FAM167A: variants seen among roughly 807,000 people sequenced by gnomAD.
FAM167A encodes the protein family with sequence similarity 167 member A.
In FAM167A, 23 loss-of-function variants were observed where a neutral mutation model predicts 14.9. The observed-to-expected ratio is 1.55, with a 90% CI of 1.11 to 2.19. The LOEUF is 2.19. FAM167A is among the 30% of genes most tolerant of loss of function. FAM167A has a pLI of 0.00. For synonymous variants in FAM167A, 174 were observed against 117.7 expected, an observed-to-expected ratio of 1.48 and a Z score of -3.10; for missense variants, 401 against 281.5, an observed-to-expected ratio of 1.42 and a Z score of -3.04.
chr8:11,444,952 G>A (rs1806696116), intron 1 of FAM167A, 144 bp from the exon 2 acceptor site: 5 of 739,344 alleles, frequency 6.8e-6, no homozygotes, highest in Admixed American at 6.4e-5. Flanking sequence ...ACGGAAGTGA[G>A]ATCATTTTAA....
At chr8:11,473,057 A>T (rs776700708) in intron 1 of FAM167A, among the ~76,000 whole-genome samples, 2 of 152,244 alleles carry the variant, frequency 1.3e-5, no homozygotes, top group Non-Finnish European at 2.9e-5. Context: ...GCTTGAACTC[A>T]GGGTGAGGTG....
intron 2 of FAM167A, among the ~76,000 whole-genome samples, chr8:11,431,552 A>AC (rs1805592301): frequency 6.6e-6 from 1 of 152,258 alleles, no homozygotes; most frequent in Non-Finnish European, 1.5e-5. Context: ...ACTGACATTT[A>AC]AACAACAACA....
rs1563375490 is a variant in FAM167A at position 11,444,067 on chromosome 8, G to A, written c.345C>T (p.Ser115=). 4 of 1,613,500 alleles carry A rather than the reference G, an allele frequency of 2.5e-6. No homozygotes were observed. Among genetic ancestry groups the A allele is most frequent in the African/African-American group, 2.7e-5 (2 of 75,070 alleles). Reference sequence around the variant, plus strand: ...TGAGCCAGGCTATAGCTTCATCGATGCTCTGAAAGCCTTCCAGCTTGCCAG... The same window carrying A: ...TGAGCCAGGCTATAGCTTCATCGATACTCTGAAAGCCTTCCAGCTTGCCAG... ...LSTGKLEGFQ[S]IDEAIAWLRK... Residue 115 remains serine (S), a synonymous_variant, in exon 2 of 3, where the codon AGC becomes AGT. Coordinates refer to ENST00000284486, the MANE Select transcript of FAM167A (RefSeq NM_053279.3).
At chr8:11,451,440 G>A (rs1273007886) in intron 1 of FAM167A, among the ~76,000 whole-genome samples, 2 of 152,270 alleles carry the variant, frequency 1.3e-5, no homozygotes, top group Non-Finnish European at 2.9e-5. Flanking sequence ...AGCACGCACT[G>A]GAGAAGGAAT....
At position 11,424,328 on chromosome 8, in the gene FAM167A, G is replaced by A. The variant is rs200511231; in HGVS notation, c.*45C>T. The A allele has an allele frequency of 3.7e-5, 60 of 1,606,808 alleles. No homozygotes were observed. The African/African-American group carries it at 7.3e-4, about 20-fold the overall frequency. On this transcript the variant is annotated 3_prime_UTR_variant, in exon 3 of 3. Coordinates refer to ENST00000284486, the MANE Select transcript of FAM167A (RefSeq NM_053279.3). ...CTCAGCTTCCTCTGACACCCCTCCAGCCCAAGCCCTCCGCTCCAGCCCCTC... is the reference window on the plus strand; with the variant it reads ...CTCAGCTTCCTCTGACACCCCTCCAACCCAAGCCCTCCGCTCCAGCCCCTC...
At chr8:11,470,039 T>A (rs1308770675), upstream of FAM167A, among the ~76,000 whole-genome samples, 1 of 152,236 alleles carries the variant, frequency 6.6e-6, no homozygotes, top group Non-Finnish European at 1.5e-5. Context: ...TCTTGGGAAA[T>A]GTTAGTGAAC....
chr8:11,471,572 C>T (rs551029811), upstream of FAM167A, among the ~76,000 whole-genome samples: 5 of 152,246 alleles, frequency 3.3e-5, no homozygotes, highest in East Asian at 5.8e-4. Context: ...GTACCATGGG[C>T]GGTCACTTAA....
chr8:11,471,583 G>C (rs1807961617), upstream of FAM167A, among the ~76,000 whole-genome samples: 2 of 152,180 alleles, frequency 1.3e-5, no homozygotes, highest in Non-Finnish European at 2.9e-5. Context: ...GGTCACTTAA[G>C]TTTTCTGAGC....
rs1042623926 is a variant in FAM167A at position 11,422,112 on chromosome 8, C to A, written c.*2261G>T. On this transcript the variant is annotated 3_prime_UTR_variant, in exon 3 of 3. Transcript: ENST00000284486. Reference sequence around the variant, plus strand: ...ACATGTGTCTTGATCTTAGTTTCCACCCAGAGAATGAAGAAAGCAAGCAAG... The same window carrying A: ...ACATGTGTCTTGATCTTAGTTTCCAACCAGAGAATGAAGAAAGCAAGCAAG... 6.6e-6 allele frequency: 2 copies of A among 303,552 alleles called. No homozygotes were observed. The highest frequency in any genetic ancestry group is 1.2e-5 in the Non-Finnish European group (2 of 166,712). 18.8% of individuals were successfully genotyped at this position (303,552 alleles called of 1,614,324 possible). A position where few individuals can be genotyped will look rare whatever the true frequency, so the allele number is the denominator to read the frequency against.
intron 1 of FAM167A, among the ~76,000 whole-genome samples, chr8:11,474,400 G>C (rs1253060869): frequency 1.3e-5 from 2 of 152,218 alleles, no homozygotes; most frequent in Non-Finnish European, 2.9e-5. Flanking sequence ...GCATGGAACA[G>C]ACAAACATGC....
chr8:11,444,007 G>T (rs1806608815), intron 2 of FAM167A, 24 bp downstream of exon 2: 2 of 1,591,444 alleles, frequency 1.3e-6, no homozygotes, highest in East Asian at 4.5e-5. Flanking sequence ...TCTTTTCTGG[G>T]GATTCTTGGG....
chr8:11,421,855 C>T lies in FAM167A; in HGVS notation c.*2518G>A. ...CAGGAGGCTGGGACGGAGGTTAGGC[C>T]AATGTTGCTGCTGACTCATAGACCC... On this transcript the variant is annotated 3_prime_UTR_variant, in exon 3 of 3. Coordinates refer to ENST00000284486, the MANE Select transcript of FAM167A (RefSeq NM_053279.3). The T allele has an allele frequency of 2.5e-6, 1 of 398,024 alleles. No homozygotes were observed. The highest frequency in any genetic ancestry group is 3.6e-5 in the East Asian group (1 of 28,082). The allele number at this position is 398,024 out of a possible 1,614,324, so 24.7% of individuals were successfully genotyped here.
intron 2 of FAM167A, chr8:11,434,137 T>C (rs182823943): frequency 2.6e-5 from 4 of 152,016 alleles, no homozygotes; most frequent in Admixed American, 6.5e-5. Context: ...AGGAACCAGG[T>C]TGGTCTTGTG....
At chr8:11,456,768 T>C (rs73209250) in intron 1 of FAM167A, among the ~76,000 whole-genome samples, 20,426 of 144,592 alleles carry the variant, frequency 0.14, 1,929 homozygotes, top group Non-Finnish European at 0.22. Flanking sequence ...TGGGTGGTGC[T>C]GGATTAGGGG....
At chr8:11,452,859 TCACCGAGCATCAGCA>T (rs1290590722) in intron 1 of FAM167A, among the ~76,000 whole-genome samples, 2 of 152,170 alleles carry the variant, frequency 1.3e-5, no homozygotes, top group Non-Finnish European at 2.9e-5. Flanking sequence ...TCCTCAGAGT[TCACCGAGCATCAGCA>T]CACACATTCG....
intron 2 of FAM167A, among the ~76,000 whole-genome samples, chr8:11,430,234 C>T (rs1805483415): frequency 6.6e-6 from 1 of 152,222 alleles, no homozygotes; most frequent in Non-Finnish European, 1.5e-5. Flanking sequence ...ATAATTAGGG[C>T]ACAGAACTTG....
At chr8:11,468,070 AC>A (rs1294659170), upstream of FAM167A, among the ~76,000 whole-genome samples, 1 of 151,628 alleles carries the variant, frequency 6.6e-6, no homozygotes, top group Non-Finnish European at 1.5e-5. Flanking sequence ...GGGACCTGCC[AC>A]CCGGGTCCAA....
chr8:11,472,008 G>T (rs1281582721), upstream of FAM167A, among the ~76,000 whole-genome samples: 3 of 152,222 alleles, frequency 2.0e-5, no homozygotes, highest in Admixed American at 6.5e-5. Flanking sequence ...TTTTGAAGTT[G>T]TTATAAAGGC....
In FAM167A at chr8:11,443,935, G is replaced by C. The variant is rs1057498669; in HGVS notation, c.381+96C>G. 6.4e-6 allele frequency: 9 copies of C among 1,408,850 alleles called. No homozygotes were observed. The African/African-American group carries it at 8.6e-5, about 13-fold the overall frequency. 87.3% of individuals were successfully genotyped at this position (1,408,850 alleles called of 1,614,324 possible). A position where few individuals can be genotyped will look rare whatever the true frequency, so the allele number is the denominator to read the frequency against. On this transcript the variant is annotated intron_variant, in intron 2 of 2. Transcript: ENST00000284486. ...TTAGAGAGAGGGGAAGAAATACATG[G>C]TGGGGGTGGGGAGACAGACAGAGAG...
Sources: gnomAD v4.1 joint callset for allele counts (sites outside exome capture counted in the v4.1 genomes callset) on GRCh38, gnomAD v4.1.1 for gene constraint, MANE v1.5 for transcripts, NCBI Gene and HGNC (gene_info 2026-07-23, HGNC 2026-07-21) for gene names.